Variants in SIPA1L2 observed in about 807,000 individuals in gnomAD.
SIPA1L2 encodes the protein signal induced proliferation associated 1 like 2, also known as signal-induced proliferation-associated 1-like protein 2.
In SIPA1L2, 56 loss-of-function variants were observed where a neutral mutation model predicts 163.9. The observed-to-expected ratio is 0.34, with a 90% CI of 0.28 to 0.43. The LOEUF (loss-of-function observed/expected upper bound fraction) is 0.43, where lower values mean the gene tolerates loss of function less well. Ranked by LOEUF, SIPA1L2 falls within the 20% of genes least tolerant of loss-of-function variation. The probability of loss-of-function intolerance (pLI) is 1.00; values close to 1 mark genes in which losing one functional copy is unlikely to be tolerated. For synonymous variants in SIPA1L2, 877 were observed against 865.7 expected (o/e 1.01, Z -0.23); for missense variants, 1,974 against 2,193.5 (o/e 0.90, Z 2.00).
At chr1:232,595,826 G>T (rs1661230127) in intron 1 of SIPA1L2, among the ~76,000 whole-genome samples, 1 of 152,138 alleles carries the variant, frequency 6.6e-6, no homozygotes, top group Non-Finnish European at 1.5e-5. Context: ...ATGTTTCAAA[G>T]AAATAAAACC....
upstream of SIPA1L2, among the ~76,000 whole-genome samples, chr1:232,630,348 G>A (rs931640532): frequency 6.6e-6 from 1 of 152,044 alleles, no homozygotes; most frequent in Non-Finnish European, 1.5e-5. Flanking sequence ...GTCCAGGAGG[G>A]GCCCGGACGC....
intron 1 of SIPA1L2, among the ~76,000 whole-genome samples, chr1:232,610,319 G>T (rs941842787): frequency 6.6e-6 from 1 of 152,132 alleles, no homozygotes; most frequent in Non-Finnish European, 1.5e-5. Flanking sequence ...AGGTGATGTG[G>T]ATGGGAACAA....
chr1:232,587,119 C>T (rs757079334), intron 1 of SIPA1L2, among the ~76,000 whole-genome samples: 2 of 152,200 alleles, frequency 1.3e-5, no homozygotes, highest in Non-Finnish European at 2.9e-5. Flanking sequence ...ATTATGAACA[C>T]AAAACCCATT....
chr1:232,414,778 C>T (rs892987068), intron 19 of SIPA1L2, among the ~76,000 whole-genome samples: 3 of 152,170 alleles, frequency 2.0e-5, no homozygotes, highest in Non-Finnish European at 4.4e-5. Context: ...GTCACGATCC[C>T]GAGGGCCCCA....
intron 2 of SIPA1L2, among the ~76,000 whole-genome samples, chr1:232,557,898 G>A (rs1032105052): frequency 1.3e-5 from 2 of 152,226 alleles, no homozygotes; most frequent in African/African-American, 2.4e-5. Context: ...GACACTGACT[G>A]TAACATCTCC....
intron 5 of SIPA1L2, chr1:232,490,573 TG>T: frequency 3.8e-6 from 1 of 260,202 alleles, no homozygotes; most frequent in South Asian, 6.3e-5. Context: ...TTTTAAACCC[TG>T]GAAAAAAACT....
chr1:232,521,411 A>G (rs1220447650), intron 2 of SIPA1L2, among the ~76,000 whole-genome samples: 1 of 152,238 alleles, frequency 6.6e-6, no homozygotes, highest in African/African-American at 2.4e-5. Flanking sequence ...AGTCTCCACA[A>G]GAAACCCATA....
intron 2 of SIPA1L2, among the ~76,000 whole-genome samples, chr1:232,573,257 G>A (rs1659899998): frequency 6.6e-6 from 1 of 152,144 alleles, no homozygotes. Context: ...GGACATTTTC[G>A]AGCAAATGGT....
chr1:232,609,848 A>G, intron 1 of SIPA1L2, among the ~76,000 whole-genome samples: 1 of 151,784 alleles, frequency 6.6e-6, no homozygotes. Flanking sequence ...AAAAAAAAGA[A>G]AAAGAAAAAA....
At chr1:232,411,627 GTGTGTTTTTCTTTCACAGTTTT>G (rs1019608137) in intron 19 of SIPA1L2, among the ~76,000 whole-genome samples, 1 of 150,486 alleles carries the variant, frequency 6.6e-6, no homozygotes, top group African/African-American at 2.4e-5. Flanking sequence ...CCTTTTCTTT[GTGTGTTTTTCTTTCACAGTTTT>G]TGTGGAATCT....
chr1:232,493,890 C>G (rs906726334), intron 3 of SIPA1L2, among the ~76,000 whole-genome samples: 11 of 152,316 alleles, frequency 7.2e-5, no homozygotes, highest in Middle Eastern at 3.4e-3. Flanking sequence ...AGTTCATGAA[C>G]AGCAAAAGCC....
chr1:232,434,938 C>T (rs940153407), intron 15 of SIPA1L2, among the ~76,000 whole-genome samples: 53 of 152,292 alleles, frequency 3.5e-4, no homozygotes, highest in African/African-American at 1.2e-3. Context: ...TACAGGACAT[C>T]AGGCATTAAT....
intron 1 of SIPA1L2, among the ~76,000 whole-genome samples, chr1:232,626,760 A>T (rs945085): frequency 6.6e-6 from 1 of 152,206 alleles, no homozygotes; most frequent in African/African-American, 2.4e-5. Flanking sequence ...ATCATGAAAA[A>T]TATAAACATC....
At chr1:232,408,384 A>T (rs958902905) in intron 19 of SIPA1L2, among the ~76,000 whole-genome samples, 1 of 151,858 alleles carries the variant, frequency 6.6e-6, no homozygotes, top group Non-Finnish European at 1.5e-5. Flanking sequence ...AAGCTTTTTA[A>T]TTCTTTTTAA....
Position 232,515,133 on chromosome 1 carries a change from T to TGGGGTACCATTAGCC in SIPA1L2, c.192_206dup (p.Asn66_Ala70dup), listed in dbSNP as rs1667164486. 1 of 1,613,928 alleles carries TGGGGTACCATTAGCC rather than the reference T, an allele frequency of 6.2e-7. No individual in the cohort carries two copies. Among genetic ancestry groups the TGGGGTACCATTAGCC allele is most frequent in the African/African-American group, 1.3e-5 (1 of 74,922 alleles). The stretch of plus-strand genomic sequence containing the variant: ...CTCTCACACCCATCTTGGGCACAGC[T>TGGGGTACCATTAGCC]GGGGTACCATTAGCCGGACCACCAC... On this transcript the variant is annotated inframe_insertion, in exon 3 of 23. Transcript: ENST00000674635.
chr1:232,515,635 T>C, intron 2 of SIPA1L2, 27 bp from the exon 3 acceptor site: 1 of 331,434 alleles, frequency 3.0e-6, no homozygotes, highest in South Asian at 7.7e-5. Context: ...GAAGTAGCCA[T>C]TAGCAATTAA....
chr1:232,625,030 T>C (rs1176193387), intron 1 of SIPA1L2, among the ~76,000 whole-genome samples: 1 of 152,210 alleles, frequency 6.6e-6, no homozygotes, highest in African/African-American at 2.4e-5. Flanking sequence ...TTCTTAATCA[T>C]ATGCAGAAGA....
rs138172000 is a variant in SIPA1L2 at position 232,469,369 on chromosome 1, G to C, written c.2243+2002C>G. Among the ~76,000 whole-genome samples the C allele has an allele frequency of 1.3e-3, 200 of 152,306 alleles. 2 individuals carry two copies. Among genetic ancestry groups the C allele is most frequent in the African/African-American group, 4.5e-3 (189 of 41,574 alleles). ...TGGAATATTTAGAGGAGTATCACAT[G>C]AAACAGACCAATAAGGTGTTTTTAG... On this transcript the variant is annotated intron_variant, in intron 8 of 22. Transcript: ENST00000674635.
intron 2 of SIPA1L2, among the ~76,000 whole-genome samples, chr1:232,519,062 C>T (rs1667338273): frequency 6.6e-6 from 1 of 152,110 alleles, no homozygotes; most frequent in African/African-American, 2.4e-5. Context: ...CTTTGCAGGA[C>T]ACTGTTTGCT....
Sources: allele counts gnomAD v4.1 joint callset (sites outside exome capture counted in the v4.1 genomes callset), GRCh38; gene constraint gnomAD v4.1.1; transcripts MANE v1.5; gene names NCBI Gene and HGNC (gene_info 2026-07-23, HGNC 2026-07-21).